Variants in NXN observed in about 807,000 individuals in gnomAD.
NXN encodes nucleoredoxin.
A neutral mutation model predicts 48.6 loss-of-function variants in NXN; 16 were observed. The ratio of observed to expected loss-of-function variants is 0.33; its 90% CI spans 0.22 to 0.50. The LOEUF is 0.50. NXN is among the 20% of genes least tolerant of loss of function. The pLI is 0.98. For missense variants in NXN, 492 were observed against 605.5 expected, an observed-to-expected ratio of 0.81 and a Z score of 1.97; for synonymous variants, 281 against 269.6, an observed-to-expected ratio of 1.04 and a Z score of -0.41.
chr17:959,137 CAA>C (rs1228960455), intron 1 of NXN: 1 of 483,804 alleles, frequency 2.1e-6, no homozygotes, highest in Non-Finnish European at 3.3e-6. Flanking sequence ...GGCCCAGCAA[CAA>C]GAGCCGAGCG....
intron 5 of NXN, among the ~76,000 whole-genome samples, chr17:817,671 GAAAA>G (rs1230474649): frequency 1.9e-5 from 2 of 107,162 alleles, no homozygotes; most frequent in Non-Finnish European, 2.0e-5. Context: ...TCCAATTCAG[GAAAA>G]AAAAAAAAAA....
chr17:946,889 G>A (rs138642348), intron 1 of NXN, among the ~76,000 whole-genome samples: 1 of 152,344 alleles, frequency 6.6e-6, no homozygotes, highest in African/African-American at 2.4e-5. Flanking sequence ...CGGGGAGGTT[G>A]CAGCCTTCTG....
At chr17:959,354 T>C (rs368137201) in intron 1 of NXN, 23 of 234,458 alleles carry the variant, frequency 9.8e-5, no homozygotes, top group African/African-American at 5.0e-4. Flanking sequence ...TGGGAGTACG[T>C]GGAGTCGCGC....
chr17:884,913 C>T (rs2467260), intron 1 of NXN, among the ~76,000 whole-genome samples: 145,580 of 152,278 alleles, frequency 0.96, 69,763 homozygotes, highest in Middle Eastern at 0.99. Context: ...AAAGTGTGGG[C>T]TTTCCCCCAA....
intron 1 of NXN, among the ~76,000 whole-genome samples, chr17:834,676 C>T (rs952787806): frequency 5.9e-5 from 9 of 151,722 alleles, no homozygotes; most frequent in African/African-American, 1.2e-4. Context: ...CCCACCACCA[C>T]GCCCGACCTA....
In NXN at chr17:801,231, C is replaced by T. The variant is rs895198564; in HGVS notation, c.1126-100G>A. The T allele has an allele frequency of 6.8e-5, 63 of 926,466 alleles. 1 individual carries two copies. The highest frequency in any genetic ancestry group is 8.8e-5 in the Non-Finnish European group (60 of 684,184). 57.4% of individuals were successfully genotyped at this position (926,466 alleles called of 1,614,324 possible). A position where few individuals can be genotyped will look rare whatever the true frequency, so the allele number is the denominator to read the frequency against. On this transcript the variant is annotated intron_variant, in intron 7 of 7. Coordinates refer to ENST00000336868, the MANE Select transcript of NXN (RefSeq NM_022463.5). ...CCCCAGGTGTGGTAGCTCCCGCACC[C>T]TGAAGAGCCGGCGTTTCCCAAGCAG...
In NXN at chr17:830,167, A is replaced by T. The variant is rs141629681; in HGVS notation, c.361-4089T>A. ...GTCAGCACCCTGTGCTTTCCCCGCTATGTTTTGTAACTGGTAAGAGCTGAA... is the reference window on the plus strand; with the variant it reads ...GTCAGCACCCTGTGCTTTCCCCGCTTTGTTTTGTAACTGGTAAGAGCTGAA... On this transcript the variant is annotated intron_variant, in intron 1 of 7. Transcript: ENST00000336868. The surrounding 1 kb of genome is among the most constrained non-coding windows in gnomAD (Gnocchi z 4.2). Among the ~76,000 whole-genome samples the T allele has an allele frequency of 1.3e-5, 2 of 152,264 alleles. No homozygotes were observed. Among genetic ancestry groups the T allele is most frequent in the East Asian group, 3.9e-4 (2 of 5,190 alleles).
chr17:840,843 C>T lies in NXN; in HGVS notation c.361-14765G>A, dbSNP rs147589408. Among the ~76,000 whole-genome samples the T allele has an allele frequency of 1.4e-3, 215 of 152,290 alleles. 1 individual carries two copies. Among genetic ancestry groups the T allele is most frequent in the African/African-American group, 4.1e-3 (172 of 41,566 alleles). On this transcript the variant is annotated intron_variant, in intron 1 of 7. Transcript: ENST00000336868. Reference sequence around the variant, plus strand: ...CTCCAAATGCTGTCAAACACACAGACGACTCCCAGGATAAAGGACGGCACA... The same window carrying T: ...CTCCAAATGCTGTCAAACACACAGATGACTCCCAGGATAAAGGACGGCACA...
At chr17:935,145 T>C (rs1001699012) in intron 1 of NXN, among the ~76,000 whole-genome samples, 3 of 151,868 alleles carry the variant, frequency 2.0e-5, no homozygotes, top group Non-Finnish European at 4.4e-5. Context: ...GTGCATGCAC[T>C]ACCACGCCCA....
chr17:881,643 G>A (rs2068285659), intron 1 of NXN, among the ~76,000 whole-genome samples: 1 of 152,102 alleles, frequency 6.6e-6, no homozygotes, highest in South Asian at 2.1e-4. Context: ...ATTTACCCAA[G>A]ATAATTTTTT....
chr17:943,679 G>A (rs1056047048), intron 1 of NXN, among the ~76,000 whole-genome samples: 27 of 151,320 alleles, frequency 1.8e-4, no homozygotes, highest in East Asian at 1.8e-3. Context: ...AAAATTAACC[G>A]GGCTTGGTGA....
intron 1 of NXN, among the ~76,000 whole-genome samples, chr17:950,882 A>T (rs981210795): frequency 6.6e-6 from 1 of 151,934 alleles, no homozygotes; most frequent in Non-Finnish European, 1.5e-5. Flanking sequence ...CAGTAAAGAC[A>T]CCTCCGTAAG....
intron 1 of NXN, among the ~76,000 whole-genome samples, chr17:955,496 G>C (rs915062575): frequency 1.5e-4 from 23 of 150,754 alleles, no homozygotes; most frequent in Admixed American, 3.3e-4. Flanking sequence ...AGCAAAACTT[G>C]GCAAAGTCTG....
intron 1 of NXN, among the ~76,000 whole-genome samples, chr17:862,607 G>A (rs1290453016): frequency 1.3e-5 from 2 of 152,222 alleles, no homozygotes; most frequent in Non-Finnish European, 2.9e-5. Context: ...ACTGGGAGGA[G>A]AACATTCCTA....
intron 1 of NXN, among the ~76,000 whole-genome samples, chr17:938,759 T>C (rs1405449768): frequency 2.7e-5 from 4 of 149,438 alleles, no homozygotes; most frequent in African/African-American, 4.9e-5. Context: ...AAAAAGAAGA[T>C]AAAATTAAGA....
At chr17:804,636 G>A (rs1911387593) in intron 6 of NXN, among the ~76,000 whole-genome samples, 1 of 152,208 alleles carries the variant, frequency 6.6e-6, no homozygotes. Flanking sequence ...ACGGGGAGGT[G>A]CAAGCGAGGA....
intron 1 of NXN, chr17:896,804 C>T (rs2068491034): frequency 3.6e-6 from 4 of 1,113,240 alleles, no homozygotes; most frequent in Non-Finnish European, 4.5e-6. Context: ...ACAATAGACA[C>T]TTGAACCTCT....
At chr17:972,716 C>A (rs2069400881) in intron 1 of NXN, among the ~76,000 whole-genome samples, 1 of 152,130 alleles carries the variant, frequency 6.6e-6, no homozygotes, top group Non-Finnish European at 1.5e-5. Context: ...ACCTTCCCAA[C>A]AAAAGGTAGG....
At chr17:947,630 G>A (rs912041629) in intron 1 of NXN, among the ~76,000 whole-genome samples, 31 of 151,704 alleles carry the variant, frequency 2.0e-4, no homozygotes, top group African/African-American at 7.3e-4. Flanking sequence ...CCACTCGGGA[G>A]GCTGAGGCAG....
Sources: allele counts gnomAD v4.1 joint callset (sites outside exome capture counted in the v4.1 genomes callset), GRCh38; gene constraint gnomAD v4.1.1; non-coding constraint Gnocchi (gnomAD v3.1); transcripts MANE v1.5; gene names NCBI Gene and HGNC (gene_info 2026-07-23, HGNC 2026-07-21).